Variants in TBCD observed in about 807,000 individuals in gnomAD.
The protein encoded by TBCD is tubulin-specific chaperone D.
Under a neutral mutation model 169.3 loss-of-function variants are expected in TBCD, and 105 were observed. The ratio of observed to expected loss-of-function variants is 0.62; its 90% confidence interval spans 0.53 to 0.73. The LOEUF (loss-of-function observed/expected upper bound fraction) is 0.73, where lower values mean the gene tolerates loss of function less well. Ranked by LOEUF, TBCD falls within the 30% of genes least tolerant of loss-of-function variation. The pLI, the probability that TBCD is intolerant of heterozygous loss-of-function variation, is 0.00. For missense variants in TBCD, 1,444 were observed against 1,600.1 expected (o/e 0.90, Z 1.66); for synonymous variants, 700 against 643.9 (o/e 1.09, Z -1.32).
rs374105387 is a variant in TBCD at position 82,923,610 on chromosome 17, G to C, written c.2179-42G>C. 4 of 1,516,048 alleles carry C rather than the reference G, an allele frequency of 2.6e-6. No homozygotes were observed. The highest frequency in any genetic ancestry group is 3.6e-6 in the Non-Finnish European group (4 of 1,117,058). The allele number at this position is 1,516,048 out of a possible 1,614,324, so 93.9% of individuals were successfully genotyped here. A position where few individuals can be genotyped will look rare whatever the true frequency, so the allele number is the denominator to read the frequency against. ...TCTGTCCCTGGCCGGGGGCTTCTCCGAGCAGAGCTGCTGTGCGCTCACCGT... is the reference window on the plus strand; with the variant it reads ...TCTGTCCCTGGCCGGGGGCTTCTCCCAGCAGAGCTGCTGTGCGCTCACCGT... On this transcript the variant is annotated intron_variant, in intron 25 of 38. Transcript: ENST00000355528. This position sits in a 1 kb window ranked among gnomAD's most constrained non-coding sequence, Gnocchi z 4.6.
Position 82,870,265 on chromosome 17 carries a change from C to T in TBCD, c.1360C>T (p.Arg454Trp), listed in dbSNP as rs572172021. 1.1e-5 allele frequency: 18 copies of T among 1,613,392 alleles called. No individual in the cohort carries two copies. The highest frequency in any genetic ancestry group is 8.0e-5 in the African/African-American group (6 of 74,950). The change falls in exon 14 of 39, where the codon CGG becomes TGG. Residue 454 changes from arginine to tryptophan, a missense_variant. Physicochemically the swap from Arg to Trp is moderately radical, Grantham distance 101. Transcript: ENST00000355528. ...ILKALTYDEK[R>W]GACSVGTNVR... The stretch of plus-strand genomic sequence containing the variant: ...GAAGGCGCTGACCTACGACGAGAAG[C>T]GGGGTGCCTGCAGCGTGGGCACCAA...
chr17:82,861,117 G>A (rs1490775286), intron 13 of TBCD, among the ~76,000 whole-genome samples: 4 of 152,076 alleles, frequency 2.6e-5, no homozygotes, highest in Admixed American at 6.5e-5. Context: ...CCCTGTCACC[G>A]CCTGCTGCTG....
intron 10 of TBCD, 129 bp from the exon 11 acceptor site, chr17:82,807,479 A>G (rs537510866): frequency 4.2e-4 from 214 of 512,346 alleles, no homozygotes; most frequent in Middle Eastern, 1.7e-3. Context: ...CCTGTCATTA[A>G]AATTAATATT....
chr17:82,855,164 G>A (rs911894972), intron 13 of TBCD, among the ~76,000 whole-genome samples: 5 of 147,020 alleles, frequency 3.4e-5, no homozygotes, highest in South Asian at 2.2e-4. Context: ...CTTCCTGGAT[G>A]TGCAGACCCT....
At chr17:82,825,620 G>A (rs2052774009) in intron 13 of TBCD, among the ~76,000 whole-genome samples, 1 of 152,142 alleles carries the variant, frequency 6.6e-6, no homozygotes, top group South Asian at 2.1e-4. Context: ...GCTTGAAGCA[G>A]TGTCCTCAGA....
At chr17:82,779,846 C>T (rs777968519) in intron 6 of TBCD, among the ~76,000 whole-genome samples, 5 of 152,180 alleles carry the variant, frequency 3.3e-5, no homozygotes, top group Non-Finnish European at 5.9e-5. Flanking sequence ...GGGGTCTCCA[C>T]GTAGCTGTCT....
chr17:82,924,437 T>G (rs750293164), intron 26 of TBCD, among the ~76,000 whole-genome samples: 1 of 152,260 alleles, frequency 6.6e-6, no homozygotes, highest in Non-Finnish European at 1.5e-5. Flanking sequence ...AAGTTCAGGC[T>G]TGCTTCTCGC....
rs368797152 is a variant in TBCD at position 82,899,222 on chromosome 17, GTGTCCTCAGCGCA to G, written c.1650-1415_1650-1403del. ...CGTGTCCGCAGTGCGTCCTCAGCAT[GTGTCCTCAGCGCA>G]TGTCCTCAGCGCACGTGTCCTCAGC... is the stretch of plus-strand genomic sequence containing the variant. On this transcript the variant is annotated intron_variant, in intron 17 of 38. Coordinates refer to ENST00000355528, the MANE Select transcript of TBCD (RefSeq NM_005993.5). 4.5e-4 allele frequency among the ~76,000 whole-genome samples: 67 copies of G among 148,034 alleles called. 1 individual carries two copies. The highest frequency in any genetic ancestry group is 1.2e-3 in the African/African-American group (49 of 40,038).
At chr17:82,849,682 A>G (rs900570042) in intron 13 of TBCD, among the ~76,000 whole-genome samples, 6 of 152,264 alleles carry the variant, frequency 3.9e-5, no homozygotes, top group Admixed American at 1.3e-4. Context: ...GCCATTGTCC[A>G]GAGAGACCTG....
At chr17:82,838,861 A>G (rs2054212268) in intron 13 of TBCD, 18 of 985,458 alleles carry the variant, frequency 1.8e-5, no homozygotes, top group Non-Finnish European at 2.0e-5. Flanking sequence ...ACCACTTTAC[A>G]GTCGCCGCCT....
chr17:82,942,328 A>C (rs1269766828), intron 38 of TBCD, 121 bp from the exon 39 acceptor site: 3 of 1,450,418 alleles, frequency 2.1e-6, no homozygotes, highest in South Asian at 1.2e-5. Context: ...AAACGGCACA[A>C]ATGGTTTCCT....
At chr17:82,926,857 A>G (rs756270118) in intron 28 of TBCD, 4 of 492,816 alleles carry the variant, frequency 8.1e-6, no homozygotes, top group Non-Finnish European at 1.5e-5. Context: ...CAGGCACACA[A>G]GAGGAGCAGT....
At chr17:82,900,550 G>T in intron 17 of TBCD, 101 bp from the exon 18 acceptor site, 2 of 905,794 alleles carry the variant, frequency 2.2e-6, no homozygotes, top group South Asian at 1.4e-5. Flanking sequence ...TTGAAGAAAT[G>T]GGCAAACTGG....
intron 13 of TBCD, among the ~76,000 whole-genome samples, chr17:82,824,930 A>G (rs2052709162): frequency 6.6e-6 from 1 of 151,612 alleles, no homozygotes; most frequent in Non-Finnish European, 1.5e-5. Context: ...GTAGTTAAAA[A>G]ATAAGTCTCT....
chr17:82,873,608 C>T (rs1363847050), intron 14 of TBCD, among the ~76,000 whole-genome samples: 2 of 152,220 alleles, frequency 1.3e-5, no homozygotes, highest in Admixed American at 6.5e-5. Flanking sequence ...TACCTAAGGT[C>T]CTGGACAGGC....
At chr17:82,759,805 A>G (rs767815036) in intron 2 of TBCD, among the ~76,000 whole-genome samples, 1 of 151,726 alleles carries the variant, frequency 6.6e-6, no homozygotes, top group Non-Finnish European at 1.5e-5. Flanking sequence ...ATATTCAAAT[A>G]TATTAGCCTT....
chr17:82,866,188 C>G (rs2057157581), intron 13 of TBCD, among the ~76,000 whole-genome samples: 1 of 152,132 alleles, frequency 6.6e-6, no homozygotes, highest in African/African-American at 2.4e-5. Flanking sequence ...AGGTGCCTGG[C>G]TGTCAAGGCT....
chr17:82,797,757 GCAC>G lies in TBCD; in HGVS notation c.773_775del (p.Ala258_Gln259delinsGlu). ...TAAAAATCTTTTTTTTTTTTTTTAG[GCAC>G]AAATATTTAAACATGGAAAACGTGA... On this transcript the variant is annotated inframe_deletion and splice_region_variant, in exon 8 of 39. Coordinates refer to ENST00000355528, the MANE Select transcript of TBCD (RefSeq NM_005993.5). The G allele has an allele frequency of 6.5e-7, 1 of 1,535,050 alleles. No individual in the cohort carries two copies. The highest frequency in any genetic ancestry group is 1.2e-5 in the South Asian group (1 of 81,220).
At chr17:82,888,045 C>G (rs543941268) in intron 15 of TBCD, among the ~76,000 whole-genome samples, 208 of 152,348 alleles carry the variant, frequency 1.4e-3, no homozygotes, top group Non-Finnish European at 2.3e-3. Flanking sequence ...TCTTTCCGTC[C>G]TCTTCATAGG....
Sources: allele counts gnomAD v4.1 joint callset (sites outside exome capture counted in the v4.1 genomes callset), GRCh38; gene constraint gnomAD v4.1.1; non-coding constraint Gnocchi (gnomAD v3.1); transcripts MANE v1.5; gene names NCBI Gene and HGNC (gene_info 2026-07-23, HGNC 2026-07-21).